The following BDH2 variants were observed in gnomAD, a reference collection of about 807,000 sequenced individuals.
BDH2 encodes dehydrogenase/reductase SDR family member 6.
A neutral mutation model predicts 33.2 loss-of-function variants in BDH2; 24 were observed. The observed-to-expected ratio is 0.72, with a 90% CI of 0.52 to 1.02. The LOEUF (loss-of-function observed/expected upper bound fraction) is 1.02, where lower values mean the gene tolerates loss of function less well. BDH2 is among the 50% of genes least tolerant of loss of function. BDH2 has a pLI of 0.00. For missense variants in BDH2, 249 were observed against 301.6 expected, an observed-to-expected ratio of 0.83 and a Z score of 1.29; for synonymous variants, 81 against 101.6, an observed-to-expected ratio of 0.80 and a Z score of 1.22.
chr4:103,098,819 A>ATATT (rs1748524804), intron 1 of BDH2: 3 of 152,144 alleles, frequency 2.0e-5, no homozygotes, highest in Admixed American at 6.5e-5. Flanking sequence ...AAATCCATGC[A>ATATT]TATTTAATTC....
chr4:103,082,030 T>C, intron 9 of BDH2, 51 bp downstream of exon 9: 1 of 1,449,046 alleles, frequency 6.9e-7, no homozygotes, highest in Non-Finnish European at 9.7e-7. Flanking sequence ...GAGCAAATTG[T>C]GGCCAAATGT....
At chr4:103,091,946 T>C (rs1285344689) in intron 4 of BDH2, among the ~76,000 whole-genome samples, 1 of 152,202 alleles carries the variant, frequency 6.6e-6, no homozygotes, top group Admixed American at 6.5e-5. Flanking sequence ...TGTTAGTTTG[T>C]TGTAAGAGAG....
chr4:103,082,043 T>A (rs537866809), intron 9 of BDH2, 38 bp downstream of exon 9: 14 of 1,541,866 alleles, frequency 9.1e-6, no homozygotes, highest in Middle Eastern at 1.7e-4. Context: ...CCAAATGTGA[T>A]TGAGGGTAAT....
intron 9 of BDH2, among the ~76,000 whole-genome samples, chr4:103,081,064 C>T (rs563146463): frequency 6.6e-6 from 1 of 152,312 alleles, no homozygotes; most frequent in African/African-American, 2.4e-5. Flanking sequence ...GCCTAGTCCC[C>T]TTTCCTTCCC....
At chr4:103,091,883 G>C (rs12506157) in intron 4 of BDH2, 87,143 of 412,422 alleles carry the variant, frequency 0.21, 9,969 homozygotes, top group African/African-American at 0.3. Context: ...ACAAGTGTCT[G>C]AACATCTCAG....
chr4:103,096,167 G>C lies in BDH2; in HGVS notation c.72+16C>G, dbSNP rs745749132. On this transcript the variant is annotated intron_variant, in intron 2 of 9. Transcript: ENST00000296424. Reference sequence around the variant, plus strand: ...AGTTAGTAGGCAAACAACAAAGATAGTAACTTATAACTTACTAAGGCAGCT... The same window carrying C: ...AGTTAGTAGGCAAACAACAAAGATACTAACTTATAACTTACTAAGGCAGCT... The C allele has an allele frequency of 6.3e-5, 100 of 1,594,612 alleles. No individual in the cohort carries two copies. The highest frequency in any genetic ancestry group is 1.0e-4 in the Admixed American group (6 of 59,682).
intron 5 of BDH2, among the ~76,000 whole-genome samples, chr4:103,089,346 G>A (rs747294621): frequency 2.0e-5 from 3 of 152,202 alleles, no homozygotes; most frequent in Admixed American, 6.5e-5. Context: ...GGGGCAGGGC[G>A]CAGACTGCAC....
Position 103,078,148 on chromosome 4 carries a change from A to G in BDH2, c.*1554T>C, listed in dbSNP as rs755325311. Among the ~76,000 whole-genome samples the G allele has an allele frequency of 6.6e-6, 1 of 152,230 alleles. No individual in the cohort carries two copies. Among genetic ancestry groups the G allele is most frequent in the Non-Finnish European group, 1.5e-5 (1 of 68,040 alleles). ...TCAGTGTGCATCATACCATTTGGTC[A>G]TTTGAGGTTGCAACAAGTAAAAAAC... On this transcript the variant is annotated 3_prime_UTR_variant, in exon 10 of 10. Coordinates refer to ENST00000296424, the MANE Select transcript of BDH2 (RefSeq NM_020139.4).
At chr4:103,093,771 A>G (rs1400082939) in intron 3 of BDH2, among the ~76,000 whole-genome samples, 1 of 147,698 alleles carries the variant, frequency 6.8e-6, no homozygotes, top group Non-Finnish European at 1.5e-5. Flanking sequence ...ATATTTTATA[A>G]TTTATAATAT....
intron 4 of BDH2, among the ~76,000 whole-genome samples, chr4:103,091,995 T>C (rs1328149555): frequency 1.3e-5 from 2 of 152,178 alleles, no homozygotes; most frequent in African/African-American, 4.8e-5. Context: ...AAAGTAGCTT[T>C]CACTATTTTT....
chr4:103,086,062 TG>T, intron 6 of BDH2: 1 of 1,140,706 alleles, frequency 8.8e-7, no homozygotes, highest in Non-Finnish European at 1.1e-6. Context: ...GACAGCGCTT[TG>T]TACAAACCTC....
At chr4:103,081,322 G>A (rs1747516245) in intron 9 of BDH2, among the ~76,000 whole-genome samples, 2 of 152,182 alleles carry the variant, frequency 1.3e-5, no homozygotes, top group Non-Finnish European at 2.9e-5. Context: ...TTTTGAGACG[G>A]AGTCTCACTC....
chr4:103,085,348 C>T lies in BDH2; in HGVS notation c.532+1G>A, dbSNP rs772921429. 9 of 1,607,232 alleles carry T rather than the reference C, an allele frequency of 5.6e-6. No homozygotes were observed. In the South Asian group the frequency reaches 1.0e-4, roughly 18 times the overall value. The stretch of plus-strand genomic sequence containing the variant: ...TTACAAAACAGGTGTGCCTTACTCA[C>T]CTGGGCACACACAGTTGCACCTGAT... On this transcript the variant is annotated splice_donor_variant, in intron 7 of 9. Coordinates refer to ENST00000296424, the MANE Select transcript of BDH2 (RefSeq NM_020139.4). LOFTEE classifies it high-confidence loss of function.
At position 103,079,741 on chromosome 4, in the gene BDH2, A is replaced by G. The variant is rs1747417137; in HGVS notation, c.699T>C (p.Thr233=). The G allele has an allele frequency of 5.0e-6, 8 of 1,613,778 alleles. No homozygotes were observed. Among genetic ancestry groups the G allele is most frequent in the Non-Finnish European group, 6.8e-6 (8 of 1,179,754 alleles). ...YLASDESAYV[T]GNPVIIDGGW... ...CTCCATCAATGATGACAGGGTTACC[A>G]GTTACATAAGCAGACTGCAGTGATA... is the stretch of plus-strand genomic sequence containing the variant. Residue 233 remains threonine (T), a synonymous_variant, in exon 10 of 10, where the codon ACT becomes ACC. Transcript: ENST00000296424.
intron 5 of BDH2, among the ~76,000 whole-genome samples, chr4:103,088,868 T>C (rs986362425): frequency 2.6e-5 from 4 of 152,172 alleles, no homozygotes; most frequent in African/African-American, 4.8e-5. Context: ...AGCACCTCTA[T>C]ACGCTGAAGA....
chr4:103,087,762 T>C (rs1747867462), intron 5 of BDH2, among the ~76,000 whole-genome samples: 1 of 152,180 alleles, frequency 6.6e-6, no homozygotes, highest in Non-Finnish European at 1.5e-5. Flanking sequence ...CTGCTATGAA[T>C]TTAAAAATGT....
chr4:103,077,986 TGTACC>T lies in BDH2; in HGVS notation c.*1711_*1715del, dbSNP rs1361914920. Among the ~76,000 whole-genome samples, 3 of 152,236 alleles carry T rather than the reference TGTACC, an allele frequency of 2.0e-5. No individual in the cohort carries two copies. Among genetic ancestry groups the T allele is most frequent in the Admixed American group, 6.5e-5 (1 of 15,286 alleles). On this transcript the variant is annotated 3_prime_UTR_variant, in exon 10 of 10. Transcript: ENST00000296424. ...AAATGTCCTTTTGTGTGAATTTTAA[TGTACC>T]GTCATCAACTGCATGATATTCTTCC... is the stretch of plus-strand genomic sequence containing the variant.
At chr4:103,082,332 ATTGT>A (rs1313114495) in intron 8 of BDH2, among the ~76,000 whole-genome samples, 159 bp from the exon 9 acceptor site, 1 of 152,222 alleles carries the variant, frequency 6.6e-6, no homozygotes, top group Admixed American at 6.5e-5. Context: ...AGTTACTCAA[ATTGT>A]TTGTGTTATA....
chr4:103,080,192 AAGAC>A (rs1055280323), intron 9 of BDH2, among the ~76,000 whole-genome samples: 9 of 152,372 alleles, frequency 5.9e-5, no homozygotes, highest in African/African-American at 1.4e-4. Context: ...TTTTTTAAAA[AAGAC>A]AGCATATATT....
Sources: allele counts gnomAD v4.1 joint callset (sites outside exome capture counted in the v4.1 genomes callset), GRCh38; gene constraint gnomAD v4.1.1; transcripts MANE v1.5; gene names NCBI Gene and HGNC (gene_info 2026-07-23, HGNC 2026-07-21).